DMD: variants seen among roughly 807,000 people sequenced by gnomAD.
DMD encodes the protein mutant dystrophin.
In DMD, 63 loss-of-function variants were observed where a neutral mutation model predicts 330.1. The observed-to-expected ratio is 0.19, with a 90% CI of 0.16 to 0.24. The LOEUF (loss-of-function observed/expected upper bound fraction) is 0.24, where lower values mean the gene tolerates loss of function less well. Ranked by LOEUF, DMD falls within the 10% of genes least tolerant of loss-of-function variation. The probability of loss-of-function intolerance (pLI) is 1.00; values close to 1 mark genes in which losing one functional copy is unlikely to be tolerated. For missense variants in DMD, 3,344 were observed against 2,684.1 expected, an observed-to-expected ratio of 1.25 and a Z score of -5.43; for synonymous variants, 1,223 against 959.8, an observed-to-expected ratio of 1.27 and a Z score of -5.07.
chrX:32,418,595 T>C (rs941143763), intron 29 of DMD, among the ~76,000 whole-genome samples: 1 of 111,407 alleles, frequency 9.0e-6, no homozygotes, highest in Non-Finnish European at 1.9e-5. Flanking sequence ...ACAACCAATT[T>C]AAATTCCTGA....
intron 7 of DMD, among the ~76,000 whole-genome samples, chrX:32,774,481 AAG>A (rs1262961384): frequency 1.8e-5 from 2 of 111,760 alleles, no homozygotes; most frequent in Admixed American, 9.5e-5. Context: ...TTTAGAAAGA[AAG>A]AGGTTTAATT....
At chrX:33,190,876 TATA>T (rs1416127575) in intron 1 of DMD, among the ~76,000 whole-genome samples, 17 of 1,174 alleles carry the variant, frequency 0.014, 2 homozygotes, top group African/African-American at 0.058. Context: ...TATATATATA[TATA>T]ATATATAATA....
chrX:31,605,498 T>G (rs191037194), intron 55 of DMD, among the ~76,000 whole-genome samples: 1 of 112,095 alleles, frequency 8.9e-6, no homozygotes, highest in Non-Finnish European at 1.9e-5. Flanking sequence ...TTTTTTTGGA[T>G]AAATGGGAAA....
intron 16 of DMD, among the ~76,000 whole-genome samples, chrX:32,557,438 A>C (rs1321679811): frequency 8.9e-6 from 1 of 112,042 alleles, no homozygotes; most frequent in African/African-American, 3.2e-5. Flanking sequence ...AATCTGTGCA[A>C]AATTAGTCAA....
rs753665097 is a variant in DMD, at chrX:32,491,348, T to C, written c.2551A>G (p.Asn851Asp). Residue 851 changes from asparagine (N) to aspartate (D), a missense_variant, in exon 20 of 79, where the codon AAC becomes GAC. Coordinates refer to ENST00000357033, the MANE Select transcript of DMD (RefSeq NM_004006.3). Reference sequence around the variant, plus strand: ...GTGGTGGGTTGGATTTTCAACCAGTTTTCAGCAGTAGTTGTCATCTGCTCC... The same window carrying C: ...GTGGTGGGTTGGATTTTCAACCAGTCTTCAGCAGTAGTTGTCATCTGCTCC... ...QLEQMTTTAE[N>D]WLKIQPTTPS... 2.5e-6 allele frequency: 3 copies of C among 1,211,175 alleles called. No individual in the cohort carries two copies. Among genetic ancestry groups the C allele is most frequent in the Non-Finnish European group, 2.2e-6 (2 of 895,138 alleles).
chrX:32,832,970 A>C (rs2148906386), intron 4 of DMD, among the ~76,000 whole-genome samples: 1 of 111,248 alleles, frequency 9.0e-6, no homozygotes, highest in South Asian at 3.7e-4. Context: ...GCACATTTTG[A>C]CCTCAACTAT....
At chrX:33,213,362 G>A (rs971925205), upstream of DMD, among the ~76,000 whole-genome samples, 1 of 111,688 alleles carries the variant, frequency 9.0e-6, no homozygotes, top group African/African-American at 3.3e-5. Flanking sequence ...GCATTGTGTG[G>A]AATGCATATA....
intron 2 of DMD, among the ~76,000 whole-genome samples, chrX:33,008,970 A>G (rs1337037526): frequency 2.0e-5 from 2 of 99,324 alleles, no homozygotes; most frequent in Non-Finnish European, 4.1e-5. Flanking sequence ...ACATATGTGT[A>G]TATACACTTA....
At chrX:32,262,642 G>A (rs1488459198) in intron 43 of DMD, among the ~76,000 whole-genome samples, 1 of 109,858 alleles carries the variant, frequency 9.1e-6, no homozygotes, top group East Asian at 2.9e-4. Context: ...GAACACTGTG[G>A]TGTGCCACCG....
intron 63 of DMD, among the ~76,000 whole-genome samples, chrX:31,259,417 T>C (rs2050291540): frequency 8.9e-6 from 1 of 111,878 alleles, no homozygotes; most frequent in South Asian, 3.7e-4. Context: ...CATTCTCTCA[T>C]TTGCCAAAAG....
At chrX:31,645,609 C>G (rs1299313807) in intron 54 of DMD, among the ~76,000 whole-genome samples, 2 of 112,438 alleles carry the variant, frequency 1.8e-5, no homozygotes, top group Non-Finnish European at 3.8e-5. Context: ...GATGATTTCC[C>G]TTCAGTGGCC....
chrX:32,414,135 A>T lies in DMD; in HGVS notation c.4072-2222T>A, dbSNP rs190189540. On this transcript the variant is annotated intron_variant, in intron 29 of 78. Coordinates refer to ENST00000357033, the MANE Select transcript of DMD (RefSeq NM_004006.3). ...TTTTATTTTTTATTTCCCAACCTACACTGTGGCCCTCTTGATTCTTGGCCT... is the reference window on the plus strand; with the variant it reads ...TTTTATTTTTTATTTCCCAACCTACTCTGTGGCCCTCTTGATTCTTGGCCT... Among the ~76,000 whole-genome samples, 17 of 111,048 alleles carry T rather than the reference A, an allele frequency of 1.5e-4. No individual in the cohort carries two copies. The East Asian group carries it at 4.3e-3, about 28-fold the overall frequency.
At chrX:32,210,684 A>T (rs926632893) in intron 44 of DMD, among the ~76,000 whole-genome samples, 2 of 111,598 alleles carry the variant, frequency 1.8e-5, no homozygotes, top group African/African-American at 3.3e-5. Flanking sequence ...GTGTATCCTA[A>T]TAAAAATACG....
At chrX:32,503,038 A>C (rs2044219301) in intron 18 of DMD, among the ~76,000 whole-genome samples, 1 of 112,184 alleles carries the variant, frequency 8.9e-6, no homozygotes, top group Admixed American at 9.5e-5. Flanking sequence ...TAAAATTTAA[A>C]GGTTACATGT....
chrX:31,918,638 T>G (rs1314389205), intron 47 of DMD, among the ~76,000 whole-genome samples: 3 of 107,701 alleles, frequency 2.8e-5, no homozygotes, highest in Non-Finnish European at 5.8e-5. Flanking sequence ...TTTTTAATCT[T>G]TTTTTTTTTG....
intron 55 of DMD, among the ~76,000 whole-genome samples, chrX:31,620,542 G>C (rs1475233719): frequency 9.2e-6 from 1 of 108,647 alleles, no homozygotes; most frequent in Non-Finnish European, 1.9e-5. Flanking sequence ...TGCCTCCCGA[G>C]TAGTTGGGAT....
chrX:31,903,219 T>G (rs2094443426), intron 47 of DMD, among the ~76,000 whole-genome samples: 1 of 111,951 alleles, frequency 8.9e-6, no homozygotes, highest in East Asian at 2.8e-4. Context: ...AGATATTTTA[T>G]TTTTTTCATA....
Position 32,692,940 on chromosome X carries a change from A to C in DMD, c.960+4930T>G, listed in dbSNP as rs1011606957. Reference sequence around the variant, plus strand: ...AAATTAATCTCATTTAACACTCCTAATAACTATATGAGTTAGAAACAGTTT... The same window carrying C: ...AAATTAATCTCATTTAACACTCCTACTAACTATATGAGTTAGAAACAGTTT... On this transcript the variant is annotated intron_variant, in intron 9 of 78. Transcript: ENST00000357033. Among the ~76,000 whole-genome samples the C allele has an allele frequency of 3.6e-5, 4 of 112,165 alleles. No homozygotes were observed. The East Asian group carries it at 8.4e-4, about 24-fold the overall frequency.
chrX:31,254,503 C>T (rs1314818015), intron 63 of DMD, among the ~76,000 whole-genome samples: 1 of 110,796 alleles, frequency 9.0e-6, no homozygotes, highest in Non-Finnish European at 1.9e-5. Context: ...ACTACAGGCA[C>T]ATGCCACCAT....
Sources: allele counts gnomAD v4.1 joint callset (sites outside exome capture counted in the v4.1 genomes callset), GRCh38; gene constraint gnomAD v4.1.1; transcripts MANE v1.5; gene names NCBI Gene and HGNC (gene_info 2026-07-23, HGNC 2026-07-21).